Variants in OSMR observed in about 807,000 individuals in gnomAD.
OSMR encodes the protein oncostatin-M-specific receptor subunit beta.
A neutral mutation model predicts 99.9 loss-of-function variants in OSMR; 81 were observed. That is an observed-to-expected ratio of 0.81 (90% CI 0.68 to 0.97). The LOEUF (loss-of-function observed/expected upper bound fraction) is 0.97. OSMR is among the 50% of genes least tolerant of loss of function. The pLI is 0.00. For synonymous variants in OSMR, 406 were observed against 410.4 expected (o/e 0.99, Z 0.13); for missense variants, 1,099 against 1,153.4 (o/e 0.95, Z 0.68).
In OSMR at chr5:38,918,986, A is replaced by C; in HGVS notation, c.1509A>C (p.Gln503His). ...TAATCCTTGACAGGTGTTCCTACCA[A>C]ATCTGCGTCATAGCCAACAACAGTG... is the stretch of plus-strand genomic sequence containing the variant. Reference protein sequence around the residue: ...TKLILDRCSYQICVIANNSVG... With the variant: ...TKLILDRCSYHICVIANNSVG... Residue 503 changes from glutamine to histidine, a missense_variant, in exon 11 of 18, where the codon CAA (glutamine) becomes CAC (histidine). Gln to His is a conservative substitution (Grantham distance 24, BLOSUM62 0). Transcript: ENST00000274276. 1.2e-6 allele frequency: 2 copies of C among 1,614,170 alleles called. No individual in the cohort carries two copies. The highest frequency in any genetic ancestry group is 1.3e-5 in the African/African-American group (1 of 75,056).
chr5:38,916,005 T>C (rs1745872811), intron 9 of OSMR, among the ~76,000 whole-genome samples: 2 of 152,202 alleles, frequency 1.3e-5, no homozygotes, highest in South Asian at 4.1e-4. Flanking sequence ...TATGAATGTT[T>C]TAAATTCTCT....
At chr5:38,868,376 G>C (rs1467792721) in intron 1 of OSMR, among the ~76,000 whole-genome samples, 2 of 152,106 alleles carry the variant, frequency 1.3e-5, no homozygotes, top group East Asian at 3.9e-4. Flanking sequence ...GATACGGCTT[G>C]GCTGTGGGCC....
At chr5:38,873,563 C>T (rs1164627208) in intron 2 of OSMR, among the ~76,000 whole-genome samples, 1 of 152,140 alleles carries the variant, frequency 6.6e-6, no homozygotes, top group Admixed American at 6.5e-5. Flanking sequence ...ACTGTCAAAA[C>T]GTTTTCAACA....
intron 2 of OSMR, among the ~76,000 whole-genome samples, chr5:38,872,682 G>C (rs1415404769): frequency 6.6e-6 from 1 of 152,028 alleles, no homozygotes; most frequent in African/African-American, 2.4e-5. Flanking sequence ...AAAGTATAAA[G>C]AAGAAAATTA....
rs1291388232 is a variant in OSMR, at chr5:38,885,482, A to C, written c.837A>C (p.Glu279Asp). ...CTTCCCAAAGCTACACTTTATTTGAATCGTAAGTTGGCTCTGGTTACATTA... is the reference window on the plus strand; with the variant it reads ...CTTCCCAAAGCTACACTTTATTTGACTCGTAAGTTGGCTCTGGTTACATTA... ...KQPSQSYTLF[E>D]SFSGEKKLCT... The change falls in exon 6 of 18, where the codon GAA becomes GAC. Residue 279 changes from glutamate (E) to aspartate (D), a missense_variant and splice_region_variant. By Grantham distance (45) the Glu-to-Asp change is conservative. Transcript: ENST00000274276. 3 of 1,613,942 alleles carry C rather than the reference A, an allele frequency of 1.9e-6. No individual in the cohort carries two copies. Among genetic ancestry groups the C allele is most frequent in the Non-Finnish European group, 2.5e-6 (3 of 1,179,916 alleles).
chr5:38,851,184 A>G (rs1561326168), intron 1 of OSMR, among the ~76,000 whole-genome samples: 1 of 152,184 alleles, frequency 6.6e-6, no homozygotes, highest in Non-Finnish European at 1.5e-5. Context: ...ACTGAGCTTA[A>G]TATGTTTAAA....
chr5:38,933,311 C>T lies in OSMR; in HGVS notation c.2807C>T (p.Pro936Leu). Reference sequence around the variant, plus strand: ...GACAAGGACAGTCTCCCAACAAACCCAGTAGAGGCACCACACTGTTCAGAG... The same window carrying T: ...GACAAGGACAGTCTCCCAACAAACCTAGTAGAGGCACCACACTGTTCAGAG... Reference protein sequence around the residue: ...FGDKDSLPTNPVEAPHCSEYK... With the variant: ...FGDKDSLPTNLVEAPHCSEYK... Residue 936 changes from proline (P) to leucine (L), a missense_variant, in exon 18 of 18, where the codon CCA becomes CTA. Coordinates refer to ENST00000274276, the MANE Select transcript of OSMR (RefSeq NM_003999.3). The T allele has an allele frequency of 6.2e-7, 1 of 1,614,180 alleles. No homozygotes were observed. Among genetic ancestry groups the T allele is most frequent in the Non-Finnish European group, 8.5e-7 (1 of 1,179,988 alleles).
At chr5:38,891,341 C>G (rs1744142845) in intron 7 of OSMR, among the ~76,000 whole-genome samples, 1 of 152,200 alleles carries the variant, frequency 6.6e-6, no homozygotes. Context: ...GGCTTTGTTT[C>G]TAGTTCAAGA....
intron 3 of OSMR, 63 bp downstream of exon 3, chr5:38,876,436 CTTTTA>C: frequency 1.5e-6 from 2 of 1,351,300 alleles, no homozygotes; most frequent in Non-Finnish European, 2.1e-6. Context: ...CCTTGGTTTT[CTTTTA>C]TAACATCTGA....
At position 38,933,180 on chromosome 5, in the gene OSMR, T is replaced by G. The variant is rs1746854840; in HGVS notation, c.2676T>G (p.Asn892Lys). The change falls in exon 18 of 18, where the codon AAT (asparagine) becomes AAG (lysine). Residue 892 changes from asparagine to lysine, a missense_variant. Coordinates refer to ENST00000274276, the MANE Select transcript of OSMR (RefSeq NM_003999.3). ...SMLGLMTSPE[N>K]VLKALEKNYM... ...TGGGACTAATGACCTCACCTGAAAATGTACTAAAGGCACTAGAAAAAAACT... is the reference window on the plus strand; with the variant it reads ...TGGGACTAATGACCTCACCTGAAAAGGTACTAAAGGCACTAGAAAAAAACT... 6.2e-7 allele frequency: 1 copy of G among 1,613,908 alleles called. No homozygotes were observed. Among genetic ancestry groups the G allele is most frequent in the African/African-American group, 1.3e-5 (1 of 74,864 alleles).
rs757438155 is a variant in OSMR, at chr5:38,883,896, ATGTT to A, written c.489_492del (p.Asn163LysfsTer32). ...GATAAGCTGGTGGAAGAAGGCACCA[ATGTT>A]ACCATTTGTTACGTTTCTAGGAACA... On this transcript the variant is annotated frameshift_variant, in exon 5 of 18. Coordinates refer to ENST00000274276, the MANE Select transcript of OSMR (RefSeq NM_003999.3). LOFTEE classifies it high-confidence loss of function. The A allele has an allele frequency of 6.2e-7, 1 of 1,613,400 alleles. No individual in the cohort carries two copies. The highest frequency in any genetic ancestry group is 1.1e-5 in the South Asian group (1 of 91,056).
chr5:38,920,100 G>A (rs1746160024), intron 11 of OSMR, among the ~76,000 whole-genome samples: 1 of 152,168 alleles, frequency 6.6e-6, no homozygotes, highest in Non-Finnish European at 1.5e-5. Context: ...CCTCTTCTGA[G>A]GAAGGGAGAG....
At chr5:38,853,803 T>C (rs1740634768) in intron 1 of OSMR, among the ~76,000 whole-genome samples, 1 of 152,186 alleles carries the variant, frequency 6.6e-6, no homozygotes. Flanking sequence ...TAAATCAGGA[T>C]TTACCTTATA....
intron 4 of OSMR, among the ~76,000 whole-genome samples, chr5:38,882,358 T>A (rs1002529026): frequency 1.3e-5 from 2 of 152,196 alleles, no homozygotes; most frequent in Non-Finnish European, 2.9e-5. Flanking sequence ...GTGGATCACT[T>A]GAGGTCAGGA....
downstream of OSMR, among the ~76,000 whole-genome samples, chr5:38,936,235 T>C (rs1379382239): frequency 1.3e-5 from 2 of 152,162 alleles, no homozygotes; most frequent in Non-Finnish European, 2.9e-5. Context: ...GTTCGCTTTC[T>C]CCTCACATTG....
At chr5:38,944,838 T>G in intron 2 of OSMR, 2 of 1,390,642 alleles carry the variant, frequency 1.4e-6, no homozygotes, top group East Asian at 2.3e-5. Context: ...TTACAGTATT[T>G]ACGAAAAACA....
chr5:38,860,866 T>G (rs2112128062), intron 1 of OSMR, among the ~76,000 whole-genome samples: 1 of 152,246 alleles, frequency 6.6e-6, no homozygotes, highest in South Asian at 2.1e-4. Context: ...AGAGATGGGG[T>G]TTCACCATGT....
At chr5:38,863,057 G>C (rs532172476) in intron 1 of OSMR, among the ~76,000 whole-genome samples, 8 of 151,812 alleles carry the variant, frequency 5.3e-5, no homozygotes, top group South Asian at 2.1e-4. Flanking sequence ...TCAGGCACTC[G>C]GCAGGCTGAG....
In OSMR at chr5:38,876,258, C is replaced by T. The variant is rs372089425; in HGVS notation, c.131C>T (p.Thr44Met). The change falls in exon 3 of 18, where the codon ACG becomes ATG. Residue 44 changes from threonine (T) to methionine (M), a missense_variant. Thr to Met is a moderately conservative substitution (Grantham distance 81). Transcript: ENST00000274276. ...TCACTTAAAGTTTCCACCAATTCTA[C>T]GCGTCAGAGTTTGCACTTACAATGG... ...PVSLKVSTNS[T>M]RQSLHLQWTV... The T allele has an allele frequency of 1.1e-4, 183 of 1,613,518 alleles. No homozygotes were observed. The highest frequency in any genetic ancestry group is 3.3e-4 in the Middle Eastern group (2 of 6,082).
Sources: allele counts gnomAD v4.1 joint callset (sites outside exome capture counted in the v4.1 genomes callset), GRCh38; gene constraint gnomAD v4.1.1; transcripts MANE v1.5; gene names NCBI Gene and HGNC (gene_info 2026-07-23, HGNC 2026-07-21).